Variants in DNAH5 observed in about 807,000 individuals in gnomAD.
DNAH5 encodes the protein axonemal beta dynein heavy chain 5.
Under a neutral mutation model 518.2 loss-of-function variants are expected in DNAH5, and 372 were observed. The ratio of observed to expected loss-of-function variants is 0.72; its 90% CI spans 0.66 to 0.78. The LOEUF (loss-of-function observed/expected upper bound fraction) is 0.78, where lower values mean the gene tolerates loss of function less well. Ranked by LOEUF, DNAH5 falls within the 30% of genes least tolerant of loss-of-function variation. DNAH5 has a pLI of 0.00. For missense variants in DNAH5, 5,523 were observed against 5,687.0 expected, an observed-to-expected ratio of 0.97 and a Z score of 0.93; for synonymous variants, 2,039 against 2,025.9, an observed-to-expected ratio of 1.01 and a Z score of -0.17.
intron 21 of DNAH5, among the ~76,000 whole-genome samples, chr5:13,882,085 T>TA (rs1771753244): frequency 6.6e-6 from 1 of 151,964 alleles, no homozygotes; most frequent in Non-Finnish European, 1.5e-5. Flanking sequence ...TAGAAACATA[T>TA]AATTAACCTA....
chr5:13,901,481 G>C lies in DNAH5; in HGVS notation c.1823C>G (p.Thr608Arg), dbSNP rs781059966. ...ADIDMISKLY[T>R]KQKYDPPLAR... ...CAGAGGAGGATCGTATTTCTGCTTT[G>C]TATACAGCTTTGAAATCATATCAAT... is the stretch of plus-strand genomic sequence containing the variant. The change falls in exon 14 of 79, where the codon ACA becomes AGA. Residue 608 changes from threonine to arginine, a missense_variant. By Grantham distance (71) the Thr-to-Arg change is moderately conservative. Around this residue, in one of 3 missense-constraint regions of DNAH5, gnomAD observed 5,121 missense variants for 5,223.3 expected, o/e 0.98. Transcript: ENST00000265104. 6.2e-6 allele frequency: 10 copies of C among 1,613,716 alleles called. No homozygotes were observed. In the Admixed American group the frequency reaches 8.3e-5, roughly 13 times the overall value.
At chr5:13,766,625 T>C (rs184556738) in intron 58 of DNAH5, among the ~76,000 whole-genome samples, 1 of 152,362 alleles carries the variant, frequency 6.6e-6, no homozygotes, top group Admixed American at 6.5e-5. Flanking sequence ...CACTGTGGAC[T>C]GACACCAGAG....
chr5:13,782,744 A>G (rs1755368296), intron 52 of DNAH5, among the ~76,000 whole-genome samples: 1 of 152,242 alleles, frequency 6.6e-6, no homozygotes, highest in South Asian at 2.1e-4. Flanking sequence ...ATTAAAACAC[A>G]TGGTAAACCC....
At chr5:13,851,524 G>A (rs1245322705) in intron 30 of DNAH5, among the ~76,000 whole-genome samples, 3 of 152,040 alleles carry the variant, frequency 2.0e-5, no homozygotes, top group Middle Eastern at 3.4e-3. Flanking sequence ...TGCCCAGGCT[G>A]GTCTTGAACT....
chr5:13,776,465 C>A lies in DNAH5; in HGVS notation c.9347G>T (p.Arg3116Leu). 6.2e-7 allele frequency: 1 copy of A among 1,613,754 alleles called. No individual in the cohort carries two copies. Among genetic ancestry groups the A allele is most frequent in the Non-Finnish European group, 8.5e-7 (1 of 1,179,740 alleles). Residue 3116 changes from arginine (R) to leucine (L), a missense_variant, in exon 55 of 79, where the codon CGA becomes CTA. This residue lies in a region of DNAH5 where 5,121 missense variants were observed against 5,223.3 expected (regional missense o/e 0.98). Coordinates refer to ENST00000265104, the MANE Select transcript of DNAH5 (RefSeq NM_001369.3). The part of the protein sequence containing the change: ...ISGCTIDWFS[R>L]WPKDALVAVS... ...AGCAACTAAAGCATCTTTGGGCCAT[C>A]GGCTGAACCAGTCAATTGTGCATCC... is the stretch of plus-strand genomic sequence containing the variant.
At chr5:13,784,349 G>T (rs770900750) in intron 52 of DNAH5, among the ~76,000 whole-genome samples, 5 of 152,034 alleles carry the variant, frequency 3.3e-5, no homozygotes, top group African/African-American at 9.7e-5. Flanking sequence ...AATTAAGAGC[G>T]AATTTCAAAA....
At chr5:13,756,577 CA>C in intron 61 of DNAH5, among the ~76,000 whole-genome samples, 1 of 152,112 alleles carries the variant, frequency 6.6e-6, no homozygotes, top group East Asian at 1.9e-4. Context: ...AATGAGCATC[CA>C]AAATGGTAGA....
At chr5:13,870,137 G>A (rs1322113386) in intron 24 of DNAH5, among the ~76,000 whole-genome samples, 2 of 151,988 alleles carry the variant, frequency 1.3e-5, no homozygotes, top group African/African-American at 2.4e-5. Flanking sequence ...TAATTTCTTC[G>A]ACCCTCAGTT....
chr5:13,740,514 T>A (rs1375728192), intron 65 of DNAH5, among the ~76,000 whole-genome samples: 1 of 152,178 alleles, frequency 6.6e-6, no homozygotes, highest in Non-Finnish European at 1.5e-5. Context: ...TGCTATTTCC[T>A]ACATCAGTGG....
chr5:13,919,031 G>T, intron 7 of DNAH5, 145 bp downstream of exon 7: 2 of 1,003,600 alleles, frequency 2.0e-6, no homozygotes, highest in Non-Finnish European at 3.0e-6. Context: ...CCTCCAAAGT[G>T]ATGTGAGGGA....
intron 22 of DNAH5, among the ~76,000 whole-genome samples, chr5:13,873,259 C>T (rs1253666840): frequency 6.6e-6 from 1 of 152,098 alleles, no homozygotes; most frequent in Non-Finnish European, 1.5e-5. Flanking sequence ...TTCTACCAAG[C>T]TTCTTTCATC....
intron 22 of DNAH5, among the ~76,000 whole-genome samples, chr5:13,875,533 A>T (rs1770773104): frequency 6.7e-6 from 1 of 149,412 alleles, no homozygotes; most frequent in Non-Finnish European, 1.5e-5. Context: ...GTTAACTATG[A>T]TTTCTTCCTC....
At position 13,809,139 on chromosome 5, in the gene DNAH5, ACGGATACAGGTATT is replaced by A. The variant is rs1369743580; in HGVS notation, c.7643_7656del (p.Glu2548ValfsTer2). On this transcript the variant is annotated frameshift_variant, in exon 46 of 79. Coordinates refer to ENST00000265104, the MANE Select transcript of DNAH5 (RefSeq NM_001369.3). LOFTEE classifies it high-confidence loss of function. Reference sequence around the variant, plus strand: ...GAACCATACTCTGGGGTGGTATCAGACGGATACAGGTATTCCTGGGTACGCGTGTTCCAGTGCGT... The same window carrying A: ...GAACCATACTCTGGGGTGGTATCAGACCTGGGTACGCGTGTTCCAGTGCGT... 6.2e-7 allele frequency: 1 copy of A among 1,614,170 alleles called. No homozygotes were observed. The highest frequency in any genetic ancestry group is 1.3e-5 in the African/African-American group (1 of 75,050).
At position 13,707,329 on chromosome 5, in the gene DNAH5, TA is replaced by T. The variant is rs765050070; in HGVS notation, c.13338+793del. Among the ~76,000 whole-genome samples the T allele has an allele frequency of 4.0e-5, 6 of 151,678 alleles. No homozygotes were observed. Among genetic ancestry groups the T allele is most frequent in the Admixed American group, 2.6e-4 (4 of 15,218 alleles). On this transcript the variant is annotated intron_variant, in intron 76 of 78. Transcript: ENST00000265104. The surrounding 1 kb of genome is among the most constrained non-coding windows in gnomAD (Gnocchi z 4.0). ...TCAATAAAACCTTGCACCCGACCTC[TA>T]AGCCCACATGTGAGGCAATTTTTCC...
At chr5:13,751,768 C>G (rs1465714504) in intron 64 of DNAH5, among the ~76,000 whole-genome samples, 1 of 151,990 alleles carries the variant, frequency 6.6e-6, no homozygotes, top group Non-Finnish European at 1.5e-5. Context: ...GGTTCCCATA[C>G]ATAGGTGTGG....
chr5:13,693,827 G>C lies in DNAH5; in HGVS notation c.13724-1692C>G, dbSNP rs958290592. Among the ~76,000 whole-genome samples, 16 of 152,116 alleles carry C rather than the reference G, an allele frequency of 1.1e-4. No homozygotes were observed. The East Asian group carries it at 3.1e-3, about 29-fold the overall frequency. On this transcript the variant is annotated intron_variant, in intron 78 of 78. Transcript: ENST00000265104. ...CTAATCTCATGAAAGTAATCATTAG[G>C]AACAACCTAAAACAACGTGATACCT...
intron 31 of DNAH5, among the ~76,000 whole-genome samples, chr5:13,849,664 C>A (rs934963952): frequency 1.3e-5 from 2 of 152,106 alleles, no homozygotes; most frequent in Admixed American, 6.6e-5. Flanking sequence ...CCCTTTTTGT[C>A]CTTTGACCTT....
chr5:13,827,265 G>A (rs1357260174), intron 38 of DNAH5, among the ~76,000 whole-genome samples: 2 of 152,094 alleles, frequency 1.3e-5, no homozygotes, highest in Non-Finnish European at 2.9e-5. Context: ...TAAGCCAGCT[G>A]CATAAATTTG....
intron 47 of DNAH5, among the ~76,000 whole-genome samples, chr5:13,805,807 CTG>C (rs1759491944): frequency 6.6e-6 from 1 of 152,126 alleles, no homozygotes; most frequent in Admixed American, 6.5e-5. Context: ...ATTATGGAAA[CTG>C]AGAGGGCTGA....
Sources: gnomAD v4.1 joint callset for allele counts (sites outside exome capture counted in the v4.1 genomes callset) on GRCh38, gnomAD v4.1.1 for gene constraint, gnomAD v4.1.1 regional missense constraint, Gnocchi (gnomAD v3.1) non-coding constraint, MANE v1.5 for transcripts, NCBI Gene and HGNC (gene_info 2026-07-23, HGNC 2026-07-21) for gene names.